BRD4: variants seen among roughly 807,000 people sequenced by gnomAD.
BRD4 encodes the protein bromodomain-containing protein 4.
BRD4 carries 16 observed loss-of-function variants against 142.1 expected under a neutral mutation model. The observed-to-expected ratio is 0.11, with a 90% CI of 0.08 to 0.17. The LOEUF (loss-of-function observed/expected upper bound fraction) is 0.17, where lower values mean the gene tolerates loss of function less well. Ranked by LOEUF, BRD4 falls within the 10% of genes least tolerant of loss-of-function variation. The pLI is 1.00. For missense variants in BRD4, 1,424 were observed against 1,810.9 expected (o/e 0.79, Z 3.88); for synonymous variants, 833 against 707.5 (o/e 1.18, Z -2.82).
chr19:15,309,751 T>C (rs2047950178), intron 1 of BRD4, among the ~76,000 whole-genome samples: 1 of 152,188 alleles, frequency 6.6e-6, no homozygotes, highest in Admixed American at 6.5e-5. Flanking sequence ...TCAAAGATGT[T>C]TCCTTCTCAA....
At chr19:15,295,250 G>C (rs1435536065) in intron 1 of BRD4, among the ~76,000 whole-genome samples, 3 of 152,108 alleles carry the variant, frequency 2.0e-5, no homozygotes, top group African/African-American at 7.2e-5. Flanking sequence ...AAGAGCCCAG[G>C]GACTAGAGAC....
At chr19:15,274,972 C>A (rs1016861396) in intron 1 of BRD4, among the ~76,000 whole-genome samples, 1 of 152,040 alleles carries the variant, frequency 6.6e-6, no homozygotes, top group Non-Finnish European at 1.5e-5. Context: ...GATTCTCCCA[C>A]CTCAGCCTCC....
chr19:15,247,293 A>C (rs1173012143), intron 11 of BRD4: 2 of 231,334 alleles, frequency 8.6e-6, no homozygotes, highest in East Asian at 1.2e-4. Context: ...CAGGACCCAC[A>C]GCCAGCTGGT....
At chr19:15,272,729 C>T in intron 2 of BRD4, 86 bp downstream of exon 2, 1 of 1,321,216 alleles carries the variant, frequency 7.6e-7, no homozygotes, top group Non-Finnish European at 1.0e-6. Flanking sequence ...CATCTCCTAC[C>T]CTCCCCCCAG....
At chr19:15,261,219 G>A (rs1208166385) in intron 7 of BRD4, among the ~76,000 whole-genome samples, 1 of 152,212 alleles carries the variant, frequency 6.6e-6, no homozygotes, top group Admixed American at 6.5e-5. Flanking sequence ...GGGCACGGTG[G>A]CTCACGCCTG....
Position 15,273,094 on chromosome 19 carries a change from A to G in BRD4, c.6T>C (p.Ser2=). 6.3e-7 allele frequency: 1 copy of G among 1,588,234 alleles called. No homozygotes were observed. The highest frequency in any genetic ancestry group is 8.6e-7 in the Non-Finnish European group (1 of 1,165,724). Residue 2 remains serine (S), a synonymous_variant, in exon 2 of 20, where the codon TCT becomes TCC. Transcript: ENST00000679869. ...ATCTCGTCCCAGGGCCGCTCTCCGCAGACATGCTAGTGATCCCATCACATT... is the reference window on the plus strand; with the variant it reads ...ATCTCGTCCCAGGGCCGCTCTCCGCGGACATGCTAGTGATCCCATCACATT... The part of the protein sequence containing the change: M[S]AESGPGTRLR...
At chr19:15,305,754 C>A (rs553116678) in intron 1 of BRD4, among the ~76,000 whole-genome samples, 1 of 152,302 alleles carries the variant, frequency 6.6e-6, no homozygotes, top group South Asian at 2.1e-4. Context: ...TCCTTTGAAG[C>A]CAAGTATTGA....
chr19:15,258,753 T>C (rs544674173), intron 7 of BRD4, among the ~76,000 whole-genome samples: 3 of 152,036 alleles, frequency 2.0e-5, no homozygotes, highest in Admixed American at 6.5e-5. Context: ...GAGACCACCA[T>C]GCCCAGCTAA....
At position 15,244,182 on chromosome 19, in the gene BRD4, C is replaced by A. The variant is rs774438264; in HGVS notation, c.2581+49G>T. 2.6e-6 allele frequency: 4 copies of A among 1,536,274 alleles called. No individual in the cohort carries two copies. The South Asian group carries it at 4.8e-5, about 18-fold the overall frequency. Reference sequence around the variant, plus strand: ...AGTGCTCGGACACCACATGGGTAAACCGAGGCAGGAAGGGGTCTCAACCCA... The same window carrying A: ...AGTGCTCGGACACCACATGGGTAAAACGAGGCAGGAAGGGGTCTCAACCCA... On this transcript the variant is annotated intron_variant, in intron 13 of 19. Transcript: ENST00000679869.
intron 11 of BRD4, 107 bp from the exon 12 acceptor site, chr19:15,244,869 T>C (rs985168506): frequency 3.2e-6 from 5 of 1,585,054 alleles, no homozygotes. Context: ...GAAGGACCAG[T>C]GACCCTGAGA....
At chr19:15,308,361 G>A (rs2047935905) in intron 1 of BRD4, among the ~76,000 whole-genome samples, 1 of 151,444 alleles carries the variant, frequency 6.6e-6, no homozygotes, top group Non-Finnish European at 1.5e-5. Flanking sequence ...GGCCCAGGCG[G>A]GTGAATTACG....
chr19:15,245,396 G>C lies in BRD4; in HGVS notation c.2159-634C>G, dbSNP rs1480052884. On this transcript the variant is annotated intron_variant, in intron 11 of 19. Transcript: ENST00000679869. ...GAGCCCACTCCGGGAGAAAAAAAAGGAGCAGGCTGGCCTCCTGGGAATGAC... is the reference window on the plus strand; with the variant it reads ...GAGCCCACTCCGGGAGAAAAAAAAGCAGCAGGCTGGCCTCCTGGGAATGAC... 2.0e-5 allele frequency among the ~76,000 whole-genome samples: 3 copies of C among 152,266 alleles called. No individual in the cohort carries two copies. In the South Asian group the frequency reaches 6.2e-4, roughly 32 times the overall value.
At chr19:15,292,187 C>G (rs1220221545) in intron 1 of BRD4, among the ~76,000 whole-genome samples, 1 of 152,212 alleles carries the variant, frequency 6.6e-6, no homozygotes, top group Non-Finnish European at 1.5e-5. Context: ...TCCCACCATA[C>G]TTAATGATCC....
At position 15,264,624 on chromosome 19, in the gene BRD4, G is replaced by A. The variant is rs1387053018; in HGVS notation, c.992C>T (p.Pro331Leu). ...CTGAGAGTCGGGCACGTCCTTCTTT[G>A]GAGGTTTCACAGGCCGGCTGCTCTC... ...RRESSRPVKPPKKDVPDSQQH... is the reference protein window; with the variant it reads ...RRESSRPVKPLKKDVPDSQQH... The change falls in exon 6 of 20, where the codon CCA (proline) becomes CTA (leucine). Residue 331 changes from proline (P) to leucine (L), a missense_variant. Pro to Leu is a moderately conservative substitution (Grantham distance 98). Transcript: ENST00000679869. 1.2e-6 allele frequency: 2 copies of A among 1,613,986 alleles called. No individual in the cohort carries two copies. The highest frequency in any genetic ancestry group is 1.1e-5 in the South Asian group (1 of 91,078).
intron 8 of BRD4, 146 bp downstream of exon 8, chr19:15,256,818 G>T: frequency 1.4e-6 from 1 of 693,554 alleles, no homozygotes; most frequent in Non-Finnish European, 2.4e-6. Context: ...ATTTGACCTA[G>T]CAAAGGGGAA....
chr19:15,317,662 G>A (rs2048028424), intron 1 of BRD4, among the ~76,000 whole-genome samples: 1 of 152,102 alleles, frequency 6.6e-6, no homozygotes, highest in Non-Finnish European at 1.5e-5. Flanking sequence ...TCAGGGGAAA[G>A]AGACACAGGC....
At chr19:15,324,528 T>C (rs2048091647) in intron 1 of BRD4, among the ~76,000 whole-genome samples, 2 of 152,152 alleles carry the variant, frequency 1.3e-5, no homozygotes, top group Admixed American at 1.3e-4. Context: ...TACCAAACTT[T>C]TCCAGGGAGA....
In BRD4 at chr19:15,254,132, T is replaced by C. The variant is rs201366078; in HGVS notation, c.2158+20A>G. ...GGTGGGAAGAGTTTGGTAAGACACG[T>C]AGAACACAAGTCACCTAACCTGTTT... On this transcript the variant is annotated intron_variant, in intron 11 of 19. Coordinates refer to ENST00000679869, the MANE Select transcript of BRD4 (RefSeq NM_001379291.1). The C allele has an allele frequency of 3.1e-5, 49 of 1,603,534 alleles. No homozygotes were observed. Among genetic ancestry groups the C allele is most frequent in the Middle Eastern group, 1.6e-4 (1 of 6,074 alleles).
In BRD4 at chr19:15,256,113, G is replaced by A; in HGVS notation, c.1702C>T (p.Pro568Ser). The change falls in exon 9 of 20, where the codon CCT becomes TCT. Residue 568 changes from proline to serine, a missense_variant. Coordinates refer to ENST00000679869, the MANE Select transcript of BRD4 (RefSeq NM_001379291.1). ...TTTTTCTTCGTCTTTTTAGGAGGAGGTTCCTTGGCTTTGCTTTTTTTATTC... is the reference window on the plus strand; with the variant it reads ...TTTTTCTTCGTCTTTTTAGGAGGAGATTCCTTGGCTTTGCTTTTTTTATTC... ...EENKKSKAKE[P>S]PPKKTKKNNS... 6.2e-7 allele frequency: 1 copy of A among 1,611,872 alleles called. No homozygotes were observed. Among genetic ancestry groups the A allele is most frequent in the Non-Finnish European group, 8.5e-7 (1 of 1,179,844 alleles).
Sources: gnomAD v4.1 joint callset for allele counts (sites outside exome capture counted in the v4.1 genomes callset) on GRCh38, gnomAD v4.1.1 for gene constraint, MANE v1.5 for transcripts, NCBI Gene and HGNC (gene_info 2026-07-23, HGNC 2026-07-21) for gene names.